IL36RN: variants seen among roughly 807,000 people sequenced by gnomAD.
The protein encoded by IL36RN is interleukin-36 receptor antagonist protein.
A neutral mutation model predicts 13.0 loss-of-function variants in IL36RN; 11 were observed. The observed-to-expected ratio is 0.85, with a 90% CI of 0.53 to 1.40. The LOEUF is 1.40. Ranked by LOEUF, IL36RN falls within the 40% of genes most tolerant of loss-of-function variation. The pLI, the probability that IL36RN is intolerant of heterozygous loss-of-function variation, is 0.00. For missense variants in IL36RN, 195 were observed against 195.3 expected (o/e 1.00, Z 0.01); for synonymous variants, 94 against 84.1 (o/e 1.12, Z -0.64).
intron 3 of IL36RN, 66 bp from the exon 4 acceptor site, chr2:113,062,058 A>G (rs1685651931): frequency 6.3e-7 from 1 of 1,582,334 alleles, no homozygotes; most frequent in Non-Finnish European, 8.6e-7. Context: ...TGTGCCCTAG[A>G]GCCCAGGACA....
At position 113,062,678 on chromosome 2, in the gene IL36RN, G is replaced by A. The variant is rs760438220; in HGVS notation, c.*1G>A. 17 of 1,609,234 alleles carry A rather than the reference G, an allele frequency of 1.1e-5. No individual in the cohort carries two copies. The highest frequency in any genetic ancestry group is 1.7e-4 in the Middle Eastern group (1 of 6,060). On this transcript the variant is annotated 3_prime_UTR_variant, in exon 5 of 5. Coordinates refer to ENST00000393200, the MANE Select transcript of IL36RN (RefSeq NM_012275.3). ...CTTCTACTTCCAGCAGTGTGACTAG[G>A]GCAACGTGCCCCCCAGAACTCCCTG...
rs148271084 is a variant in IL36RN, at chr2:113,062,248, A to G, written c.240A>G (p.Leu80=). The G allele has an allele frequency of 3.5e-5, 57 of 1,613,928 alleles. 1 individual carries two copies. The Admixed American group carries it at 9.0e-4, about 25-fold the overall frequency. The change falls in exon 4 of 5, where the codon CTA becomes CTG. Residue 80 remains leucine, a synonymous_variant. Coordinates refer to ENST00000393200, the MANE Select transcript of IL36RN (RefSeq NM_012275.3). Reference sequence around the variant, plus strand: ...TGGGGCAGGAGCCGACTCTAACACTAGAGGTGAGACTTGGGGCATCCTCAC... The same window carrying G: ...TGGGGCAGGAGCCGACTCTAACACTGGAGGTGAGACTTGGGGCATCCTCAC... ...CGVGQEPTLT[L]EPVNIMELYL... is the part of the protein sequence containing the mutation.
In IL36RN at chr2:113,061,067, A is replaced by T. The variant is rs966371476; in HGVS notation, c.115+130A>T. On this transcript the variant is annotated intron_variant, in intron 3 of 4. Coordinates refer to ENST00000393200, the MANE Select transcript of IL36RN (RefSeq NM_012275.3). ...GAGCCCAGGCATTGGGGCAGCACAAACCAGGCTCTAAGCAAAGGCAAATAA... is the reference window on the plus strand; with the variant it reads ...GAGCCCAGGCATTGGGGCAGCACAATCCAGGCTCTAAGCAAAGGCAAATAA... 7 of 740,954 alleles carry T rather than the reference A, an allele frequency of 9.4e-6. No individual in the cohort carries two copies. The African/African-American group carries it at 1.2e-4, about 13-fold the overall frequency. The allele number at this position is 740,954 out of a possible 1,614,324, so 45.9% of individuals were successfully genotyped here. A position where few individuals can be genotyped will look rare whatever the true frequency, so the allele number is the denominator to read the frequency against.
chr2:113,062,197 T>A lies in IL36RN; in HGVS notation c.189T>A (p.Gly63=). The A allele has an allele frequency of 6.2e-7, 1 of 1,613,848 alleles. No individual in the cohort carries two copies. The highest frequency in any genetic ancestry group is 8.5e-7 in the Non-Finnish European group (1 of 1,179,898). The change falls in exon 4 of 5, where the codon GGT becomes GGA. Residue 63 remains glycine, a synonymous_variant. Transcript: ENST00000393200. ...SLSPVILGVQ[G]GSQCLSCGVG... The stretch of plus-strand genomic sequence containing the variant: ...CCCCCGTCATCCTGGGTGTCCAGGG[T>A]GGAAGCCAGTGCCTGTCATGTGGGG...
rs866806304 is a variant in IL36RN, at chr2:113,064,038, C to G, written c.*1361C>G. 1 of 152,114 alleles carries G rather than the reference C, an allele frequency of 6.6e-6. No homozygotes were observed. The allele number at this position is 152,114 out of a possible 1,614,324, so 9.4% of individuals were successfully genotyped here. ...GACCTAAATTCAATATGACTGGTTTCCTTGTATGAAAAGGAGAGGACACAG... is the reference window on the plus strand; with the variant it reads ...GACCTAAATTCAATATGACTGGTTTGCTTGTATGAAAAGGAGAGGACACAG... On this transcript the variant is annotated 3_prime_UTR_variant, in exon 5 of 5. Transcript: ENST00000393200.
rs1440056356 is a variant in IL36RN, at chr2:113,059,242, G to A, written c.-28+1G>A. 29 of 659,608 alleles carry A rather than the reference G, an allele frequency of 4.4e-5. 1 individual carries two copies. Among genetic ancestry groups the A allele is most frequent in the South Asian group, 3.1e-4 (18 of 58,240 alleles). 40.9% of individuals were successfully genotyped at this position (659,608 alleles called of 1,614,324 possible). On this transcript the variant is annotated splice_donor_variant, in intron 1 of 4. Coordinates refer to ENST00000393200, the MANE Select transcript of IL36RN (RefSeq NM_012275.3). LOFTEE classifies it low-confidence loss of function (5UTR_SPLICE). Reference sequence around the variant, plus strand: ...CGCCAGGAGAAAGGAACATTCTGAGGTATGCTCTGGGGCGCTGGTGGTACC... The same window carrying A: ...CGCCAGGAGAAAGGAACATTCTGAGATATGCTCTGGGGCGCTGGTGGTACC...
intron 2 of IL36RN, among the ~76,000 whole-genome samples, chr2:113,059,990 G>A (rs1007621980): frequency 3.3e-5 from 5 of 152,178 alleles, no homozygotes; most frequent in African/African-American, 1.2e-4. Flanking sequence ...CACTTCCCAT[G>A]ATGTGTTCTA....
intron 3 of IL36RN, 85 bp downstream of exon 3, chr2:113,061,022 C>G: frequency 9.6e-7 from 1 of 1,045,288 alleles, no homozygotes; most frequent in Non-Finnish European, 1.5e-6. Context: ...AATAGTCATA[C>G]AGATTAGCAT....
chr2:113,061,670 A>G (rs1327206848), intron 3 of IL36RN, among the ~76,000 whole-genome samples: 1 of 152,150 alleles, frequency 6.6e-6, no homozygotes. Flanking sequence ...GTGTGCATGC[A>G]TGTATCTGTG....
chr2:113,062,800 C>G lies in IL36RN; in HGVS notation c.*123C>G. 7.0e-6 allele frequency: 6 copies of G among 852,616 alleles called. No individual in the cohort carries two copies. The highest frequency in any genetic ancestry group is 1.1e-5 in the Non-Finnish European group (6 of 525,268). The allele number at this position is 852,616 out of a possible 1,614,324, so 52.8% of individuals were successfully genotyped here. On this transcript the variant is annotated 3_prime_UTR_variant, in exon 5 of 5. Transcript: ENST00000393200. ...ACCCCCACGTCTGACTTAGTGGGCA[C>G]CTGACCACTTTGTCTTCTGGTTCCC...
rs1374285 is a variant in IL36RN, at chr2:113,061,161, G to A, written c.115+224G>A. On this transcript the variant is annotated intron_variant, in intron 3 of 4. Transcript: ENST00000393200. Reference sequence around the variant, plus strand: ...CACCTGAAGCTTCTATGCAGAAGTGGGAATGTTTTCCAAGAGGCTTGTCTT... The same window carrying A: ...CACCTGAAGCTTCTATGCAGAAGTGAGAATGTTTTCCAAGAGGCTTGTCTT... Among the ~76,000 whole-genome samples the A allele has an allele frequency of 0.69, 104,621 of 152,150 alleles. 36,761 individuals are homozygous for A. Among genetic ancestry groups the A allele is most frequent in the East Asian group, 0.93 (4,819 of 5,178 alleles).
chr2:113,062,074 A>G (rs755582080), intron 3 of IL36RN, 50 bp from the exon 4 acceptor site: 3 of 1,602,036 alleles, frequency 1.9e-6, no homozygotes, highest in African/African-American at 2.7e-5. Flanking sequence ...GGACAGGGGA[A>G]GAAGGAGGGA....
rs772037773 is a variant in IL36RN at position 113,060,942 on chromosome 2, G to C, written c.115+5G>C. The C allele has an allele frequency of 6.2e-7, 1 of 1,611,472 alleles. No individual in the cohort carries two copies. The highest frequency in any genetic ancestry group is 1.1e-5 in the South Asian group (1 of 91,038). On this transcript the variant is annotated splice_donor_5th_base_variant and intron_variant, in intron 3 of 4. Transcript: ENST00000393200. ...ATGCAGGGAAGGTCATTAAAGGTTG[G>C]TGATGAAACATGACCCACTTTCCTT...
At chr2:113,062,063 A>G in intron 3 of IL36RN, 61 bp from the exon 4 acceptor site, 1 of 1,593,070 alleles carries the variant, frequency 6.3e-7, no homozygotes, top group Non-Finnish European at 8.6e-7. Context: ...CCTAGAGCCC[A>G]GGACAGGGGA....
chr2:113,061,235 G>A (rs1161079755), intron 3 of IL36RN, among the ~76,000 whole-genome samples: 5 of 152,202 alleles, frequency 3.3e-5, no homozygotes, highest in Admixed American at 3.3e-4. Flanking sequence ...TTCCCTGGGA[G>A]CCAGTAAGTA....
At chr2:113,060,344 A>C (rs1025105745) in intron 2 of IL36RN, among the ~76,000 whole-genome samples, 1 of 152,234 alleles carries the variant, frequency 6.6e-6, no homozygotes, top group African/African-American at 2.4e-5. Context: ...AAGAAATTTA[A>C]ATTTAAAGAA....
At chr2:113,061,588 A>G (rs768069551) in intron 3 of IL36RN, among the ~76,000 whole-genome samples, 6 of 151,680 alleles carry the variant, frequency 4.0e-5, no homozygotes, top group African/African-American at 7.3e-5. Flanking sequence ...GTGTGCATGC[A>G]TGTATCTGTG....
At chr2:113,061,785 A>C (rs1012028257) in intron 3 of IL36RN, among the ~76,000 whole-genome samples, 2 of 152,104 alleles carry the variant, frequency 1.3e-5, no homozygotes, top group African/African-American at 4.8e-5. Context: ...TTGTCCAAAC[A>C]ATTCCAAAGG....
intron 2 of IL36RN, among the ~76,000 whole-genome samples, chr2:113,059,743 G>A (rs977238265): frequency 2.0e-5 from 3 of 152,126 alleles, no homozygotes; most frequent in Admixed American, 2.0e-4. Flanking sequence ...AGGTGGGAAC[G>A]GGGGCCAGGA....
Sources: allele counts gnomAD v4.1 joint callset (sites outside exome capture counted in the v4.1 genomes callset), GRCh38; gene constraint gnomAD v4.1.1; transcripts MANE v1.5; gene names NCBI Gene and HGNC (gene_info 2026-07-23, HGNC 2026-07-21).